INPP5E: variants seen among roughly 807,000 people sequenced by gnomAD.
The protein encoded by INPP5E is phosphatidylinositol polyphosphate 5-phosphatase type IV.
INPP5E carries 34 observed loss-of-function variants against 50.5 expected under a neutral mutation model. The observed-to-expected ratio is 0.67, with a 90% CI of 0.51 to 0.90. INPP5E has a LOEUF of 0.90. INPP5E is among the 40% of genes least tolerant of loss of function. The pLI, the probability that INPP5E is intolerant of heterozygous loss-of-function variation, is 0.00. For synonymous variants in INPP5E, 447 were observed against 406.0 expected, an observed-to-expected ratio of 1.10 and a Z score of -1.21; for missense variants, 942 against 905.5, an observed-to-expected ratio of 1.04 and a Z score of -0.52.
Position 136,439,698 on chromosome 9 carries a change from A to C in INPP5E, c.-279T>G. ...GGGCGCCTGTCGCGGGGGAGGTTCG[A>C]CCCCGACGGGGACGCCGCTCGGGGA... On this transcript the variant is annotated 5_prime_UTR_variant, in exon 1 of 10. Coordinates refer to ENST00000371712, the MANE Select transcript of INPP5E (RefSeq NM_019892.6). 1.0e-5 allele frequency: 3 copies of C among 300,834 alleles called. No individual in the cohort carries two copies. Among genetic ancestry groups the C allele is most frequent in the Non-Finnish European group, 1.2e-5 (2 of 164,166 alleles). 18.6% of individuals were successfully genotyped at this position (300,834 alleles called of 1,614,324 possible). A position where few individuals can be genotyped will look rare whatever the true frequency, so the allele number is the denominator to read the frequency against.
chr9:136,433,334 C>T, intron 3 of INPP5E, 55 bp from the exon 4 acceptor site: 1 of 1,532,960 alleles, frequency 6.5e-7, no homozygotes, highest in Non-Finnish European at 8.7e-7. Context: ...GCTCCGCCAC[C>T]CCCAGACCTG....
At chr9:136,432,868 G>C in intron 5 of INPP5E, 88 bp downstream of exon 5, 1 of 1,521,054 alleles carries the variant, frequency 6.6e-7, no homozygotes, top group Non-Finnish European at 8.9e-7. Flanking sequence ...GAAGCCAGCG[G>C]TCAGGACCCC....
At chr9:136,429,971 C>T (rs532667515) in intron 9 of INPP5E, among the ~76,000 whole-genome samples, 164 bp from the exon 10 acceptor site, 2 of 152,330 alleles carry the variant, frequency 1.3e-5, no homozygotes, top group South Asian at 4.1e-4. Context: ...TCTAAGCACA[C>T]GGAGGCCTGT....
chr9:136,438,500 G>A (rs183793005), intron 1 of INPP5E, 108 bp downstream of exon 1: 27 of 1,000,156 alleles, frequency 2.7e-5, no homozygotes, highest in African/African-American at 2.6e-4. Context: ...CGTTCTTTCC[G>A]GTTAGGCATC....
At chr9:136,433,877 C>T (rs905595169) in intron 3 of INPP5E, among the ~76,000 whole-genome samples, 160 bp downstream of exon 3, 8 of 152,094 alleles carry the variant, frequency 5.3e-5, no homozygotes, top group African/African-American at 9.7e-5. Context: ...GATCTGTGCC[C>T]GGCCACGAAC....
chr9:136,439,396 C>T lies in INPP5E; in HGVS notation c.24G>A (p.Leu8=). 1 of 1,465,900 alleles carries T rather than the reference C, an allele frequency of 6.8e-7. No homozygotes were observed. Among genetic ancestry groups the T allele is most frequent in the South Asian group, 1.3e-5 (1 of 75,826 alleles). The allele number at this position is 1,465,900 out of a possible 1,614,324, so 90.8% of individuals were successfully genotyped here. ...GCTGCGGGGCCGGCTCGGAGGGCCG[C>T]AGATTCTCCGCCTTGGACGGCATGG... is the stretch of plus-strand genomic sequence containing the variant. MPSKAEN[L]RPSEPAPQPP... Residue 8 remains leucine (L), a synonymous_variant, in exon 1 of 10, where the codon CTG becomes CTA. Transcript: ENST00000371712.
At chr9:136,437,357 G>A (rs1835853205) in intron 1 of INPP5E, 1 of 152,260 alleles carries the variant, frequency 6.6e-6, no homozygotes, top group Non-Finnish European at 1.5e-5. Context: ...AGGATCTCGA[G>A]ATAAGACCAC....
chr9:136,438,382 A>C, intron 1 of INPP5E: 3 of 602,796 alleles, frequency 5.0e-6, no homozygotes, highest in Non-Finnish European at 8.9e-6. Flanking sequence ...GTCTACCTTA[A>C]CACAACGTCA....
At chr9:136,430,914 C>G in intron 8 of INPP5E, 88 bp downstream of exon 8, 1 of 954,988 alleles carries the variant, frequency 1.0e-6, no homozygotes, top group Non-Finnish European at 1.7e-6. Flanking sequence ...CGTCCAGGCT[C>G]AGACCCCTGA....
At chr9:136,431,188 TC>T in intron 7 of INPP5E, 71 bp from the exon 8 acceptor site, 3 of 940,814 alleles carry the variant, frequency 3.2e-6, no homozygotes, top group Non-Finnish European at 1.7e-6. Context: ...GGCCCTCACC[TC>T]TCCTCATCTC....
rs1241112128 is a variant in INPP5E at position 136,434,799 on chromosome 9, A to T, written c.877T>A (p.Tyr293Asn). ...ALLGADELAR[Y>N]FPDRNVALFV... ...AGTGCCACGTTCCGGTCTGGGAAGT[A>T]GCGGGCCAGCTCATCCGCCCCCAAC... The change falls in exon 2 of 10, where the codon TAC becomes AAC. Residue 293 changes from tyrosine (Y) to asparagine (N), a missense_variant. Transcript: ENST00000371712. 1 of 1,611,330 alleles carries T rather than the reference A, an allele frequency of 6.2e-7. No individual in the cohort carries two copies. Among genetic ancestry groups the T allele is most frequent in the South Asian group, 1.1e-5 (1 of 90,888 alleles).
At chr9:136,434,260 C>A in intron 2 of INPP5E, 126 bp from the exon 3 acceptor site, 1 of 709,716 alleles carries the variant, frequency 1.4e-6, no homozygotes, top group Admixed American at 2.3e-5. Context: ...AGGCCAGGGC[C>A]AAAAAGGGAG....
rs1377383307 is a variant in INPP5E at position 136,434,977 on chromosome 9, G to A, written c.813-114C>T. ...CATGGAATGTCAGGAGCTGCCCCCAGCCCCAAGCAAGGACTCTCCTGGCCC... is the reference window on the plus strand; with the variant it reads ...CATGGAATGTCAGGAGCTGCCCCCAACCCCAAGCAAGGACTCTCCTGGCCC... On this transcript the variant is annotated intron_variant, in intron 1 of 9. Coordinates refer to ENST00000371712, the MANE Select transcript of INPP5E (RefSeq NM_019892.6). The A allele has an allele frequency of 2.2e-6, 3 of 1,342,258 alleles. No homozygotes were observed. In the South Asian group the frequency reaches 3.8e-5, roughly 17 times the overall value. The allele number at this position is 1,342,258 out of a possible 1,614,324, so 83.1% of individuals were successfully genotyped here.
At chr9:136,432,918 TCA>T (rs1835743739) in intron 5 of INPP5E, 36 bp downstream of exon 5, 1 of 1,606,934 alleles carries the variant, frequency 6.2e-7, no homozygotes, top group African/African-American at 1.3e-5. Context: ...GAAGCTGTTC[TCA>T]CACAGCACCT....
intron 1 of INPP5E, chr9:136,435,465 GCCTCCC>G (rs1835809099): frequency 1.3e-5 from 2 of 153,536 alleles, no homozygotes; most frequent in South Asian, 4.1e-4. Flanking sequence ...TCCTGCCTCA[GCCTCCC>G]GAGTAGCTGG....
chr9:136,432,676 C>G (rs995339045), intron 5 of INPP5E, 90 bp from the exon 6 acceptor site: 2 of 993,718 alleles, frequency 2.0e-6, no homozygotes, highest in Non-Finnish European at 3.1e-6. Flanking sequence ...GCCCTGACTG[C>G]GCACCCCCGG....
chr9:136,439,490 CG>C lies in INPP5E; in HGVS notation c.-72del. The C allele has an allele frequency of 8.5e-7, 1 of 1,169,878 alleles. No homozygotes were observed. Among genetic ancestry groups the C allele is most frequent in the Non-Finnish European group, 1.1e-6 (1 of 896,426 alleles). 72.5% of individuals were successfully genotyped at this position (1,169,878 alleles called of 1,614,324 possible). ...CGCGAGGGGTCACGGGTGCCGGGTC[CG>C]GGGTCGCCGGCGCAGCGAGGAGCAG... On this transcript the variant is annotated 5_prime_UTR_variant, in exon 1 of 10. It removes the in-frame stop codon of an upstream open reading frame in the 5' UTR. Coordinates refer to ENST00000371712, the MANE Select transcript of INPP5E (RefSeq NM_019892.6).
intron 1 of INPP5E, 70 bp from the exon 2 acceptor site, chr9:136,434,933 C>A: frequency 6.5e-7 from 1 of 1,546,004 alleles, no homozygotes; most frequent in Non-Finnish European, 8.8e-7. Flanking sequence ...GCCAGGTCCC[C>A]AGGGACAATA....
rs1444588300 is a variant in INPP5E at position 136,432,576 on chromosome 9, C to T, written c.1290G>A (p.Gly430=). The change falls in exon 6 of 10, where the codon GGG becomes GGA. Residue 430 remains glycine, a synonymous_variant. Transcript: ENST00000371712. ...FITSHFTSGD[G]KVAERLLDYT... is the part of the protein sequence containing the mutation. ...AGTCCAGCAGCCGCTCCGCCACCTT[C>T]CCGTCACCTGCTGTGGGAACAGAAA... is the stretch of plus-strand genomic sequence containing the variant. The T allele has an allele frequency of 2.6e-6, 4 of 1,547,734 alleles. No individual in the cohort carries two copies. Among genetic ancestry groups the T allele is most frequent in the Non-Finnish European group, 3.5e-6 (4 of 1,144,902 alleles).
Sources: allele counts gnomAD v4.1 joint callset (sites outside exome capture counted in the v4.1 genomes callset), GRCh38; gene constraint gnomAD v4.1.1; transcripts MANE v1.5; gene names NCBI Gene and HGNC (gene_info 2026-07-23, HGNC 2026-07-21).